The following GXYLT1 variants were observed in gnomAD, a reference collection of about 807,000 sequenced individuals.
GXYLT1 encodes the protein glucoside xylosyltransferase 1.
A neutral mutation model predicts 54.0 loss-of-function variants in GXYLT1; 29 were observed. The ratio of observed to expected loss-of-function variants is 0.54; its 90% CI spans 0.40 to 0.73. The LOEUF (loss-of-function observed/expected upper bound fraction) is 0.73, where lower values mean the gene tolerates loss of function less well. GXYLT1 is among the 30% of genes least tolerant of loss of function. The pLI is 0.00. For synonymous variants in GXYLT1, 176 were observed against 204.1 expected (o/e 0.86, Z 1.17); for missense variants, 490 against 553.4 (o/e 0.89, Z 1.15).
chr12:42,124,946 AC>A (rs2065551954), intron 2 of GXYLT1, among the ~76,000 whole-genome samples: 1 of 152,226 alleles, frequency 6.6e-6, no homozygotes, highest in African/African-American at 2.4e-5. Context: ...TTTGTTTCTC[AC>A]TGGTTGCCAA....
At chr12:42,101,308 G>T (rs1396005548) in intron 5 of GXYLT1, among the ~76,000 whole-genome samples, 1 of 151,994 alleles carries the variant, frequency 6.6e-6, no homozygotes, top group Non-Finnish European at 1.5e-5. Context: ...TATAAGAAAA[G>T]ATTTTTAACC....
chr12:42,144,468 G>GCGCCTCTCACGGCGCCGCGTCCGC lies in GXYLT1; in HGVS notation c.155_178dup (p.Gly52_Gly59dup). 7.7e-7 allele frequency: 1 copy of GCGCCTCTCACGGCGCCGCGTCCGC among 1,296,786 alleles called. No individual in the cohort carries two copies. The highest frequency in any genetic ancestry group is 3.2e-5 in the East Asian group (1 of 31,240). The allele number at this position is 1,296,786 out of a possible 1,614,324, so 80.3% of individuals were successfully genotyped here. A position where few individuals can be genotyped will look rare whatever the true frequency, so the allele number is the denominator to read the frequency against. On this transcript the variant is annotated inframe_insertion, in exon 1 of 8. Transcript: ENST00000398675. ...ATGCGCTGCGGGGCCCGCGACGCCG[G>GCGCCTCTCACGGCGCCGCGTCCGC]CGCCTCTCACGGCGCCGCGTCCGCC...
intron 2 of GXYLT1, among the ~76,000 whole-genome samples, chr12:42,122,833 C>A (rs2065539046): frequency 6.6e-6 from 1 of 152,068 alleles, no homozygotes; most frequent in South Asian, 2.1e-4. Flanking sequence ...GAGATAAAAG[C>A]ACTGTTACAG....
intron 3 of GXYLT1, among the ~76,000 whole-genome samples, chr12:42,113,113 A>C (rs553587762): frequency 6.6e-6 from 1 of 151,160 alleles, no homozygotes; most frequent in East Asian, 1.9e-4. Flanking sequence ...GCCTGCCCTA[A>C]AAGAGCTCCT....
At chr12:42,126,950 T>C (rs540528976) in intron 2 of GXYLT1, among the ~76,000 whole-genome samples, 1 of 152,160 alleles carries the variant, frequency 6.6e-6, no homozygotes, top group Non-Finnish European at 1.5e-5. Context: ...CATATGATGA[T>C]ATGAATGATG....
chr12:42,094,537 T>C (rs1401002338), intron 7 of GXYLT1, among the ~76,000 whole-genome samples: 2 of 150,560 alleles, frequency 1.3e-5, no homozygotes, highest in South Asian at 2.1e-4. Flanking sequence ...CACGTGCCTG[T>C]AGTACCAGCT....
intron 2 of GXYLT1, among the ~76,000 whole-genome samples, chr12:42,125,707 C>A (rs2065556652): frequency 6.6e-6 from 1 of 152,100 alleles, no homozygotes; most frequent in African/African-American, 2.4e-5. Flanking sequence ...GTGTGAAGTT[C>A]TTTTTATTAA....
chr12:42,108,478 T>A (rs1177891320), intron 4 of GXYLT1, among the ~76,000 whole-genome samples: 1 of 152,160 alleles, frequency 6.6e-6, no homozygotes, highest in Non-Finnish European at 1.5e-5. Context: ...CACTCACATA[T>A]TAATTAAATG....
chr12:42,122,150 G>A lies in GXYLT1; in HGVS notation c.315-2979C>T, dbSNP rs1274636018. Among the ~76,000 whole-genome samples the A allele has an allele frequency of 7.2e-5, 11 of 152,292 alleles. No homozygotes were observed. In the East Asian group the frequency reaches 1.7e-3, roughly 24 times the overall value. On this transcript the variant is annotated intron_variant, in intron 2 of 7. Transcript: ENST00000398675. ...ATGTAATAGAAGAGGAGATTTTAAA[G>A]TCAAGCCTATTTTTCTACAGATATA... is the stretch of plus-strand genomic sequence containing the variant.
chr12:42,128,687 G>T (rs1345817047), intron 2 of GXYLT1, among the ~76,000 whole-genome samples: 1 of 152,146 alleles, frequency 6.6e-6, no homozygotes, highest in Non-Finnish European at 1.5e-5. Flanking sequence ...AATATAATGA[G>T]TAGAATTAAT....
intron 1 of GXYLT1, among the ~76,000 whole-genome samples, chr12:42,133,828 G>C (rs1270857311): frequency 6.6e-6 from 1 of 152,166 alleles, no homozygotes; most frequent in Non-Finnish European, 1.5e-5. Context: ...TGCAAGGTGA[G>C]AGACCTAACC....
chr12:42,144,327 G>A (rs1164538803), intron 1 of GXYLT1, 99 bp downstream of exon 1: 3 of 713,666 alleles, frequency 4.2e-6, no homozygotes, highest in Non-Finnish European at 4.0e-6. Flanking sequence ...GGAAAGACGC[G>A]GGAGACGCGG....
At chr12:42,116,936 T>C (rs1394947938) in intron 3 of GXYLT1, among the ~76,000 whole-genome samples, 1 of 152,094 alleles carries the variant, frequency 6.6e-6, no homozygotes, top group Non-Finnish European at 1.5e-5. Context: ...CACCATGGAA[T>C]ACTATGCAGC....
At chr12:42,117,599 A>ATCTATCCAT (rs1390345569) in intron 3 of GXYLT1, among the ~76,000 whole-genome samples, 1 of 152,188 alleles carries the variant, frequency 6.6e-6, no homozygotes, top group African/African-American at 2.4e-5. Context: ...TAAAAGCTTA[A>ATCTATCCAT]TTAAGTGGAT....
chr12:42,137,235 G>A lies in GXYLT1; in HGVS notation c.221+7191C>T, dbSNP rs138646714. ...TAAAAATACAAAAATTAGGCCAGGC[G>A]CAGTGGCTCACGCCTGTAATCCCAG... On this transcript the variant is annotated intron_variant, in intron 1 of 7. Transcript: ENST00000398675. Among the ~76,000 whole-genome samples, 435 of 152,204 alleles carry A rather than the reference G, an allele frequency of 2.9e-3. 2 individuals are homozygous for A. The highest frequency in any genetic ancestry group is 9.3e-3 in the African/African-American group (387 of 41,526).
intron 1 of GXYLT1, among the ~76,000 whole-genome samples, chr12:42,138,798 A>T (rs1328629094): frequency 6.6e-6 from 1 of 152,132 alleles, no homozygotes; most frequent in Non-Finnish European, 1.5e-5. Flanking sequence ...AGGCAGGTGG[A>T]TCACCTGAGG....
chr12:42,141,882 C>A (rs1439231276), intron 1 of GXYLT1, among the ~76,000 whole-genome samples: 1 of 152,062 alleles, frequency 6.6e-6, no homozygotes, highest in Non-Finnish European at 1.5e-5. Context: ...ATAAGAGATT[C>A]CACTGAAAAA....
Position 42,144,494 on chromosome 12 carries a change from G to T in GXYLT1, c.153C>A (p.Gly51=). 1.4e-6 allele frequency: 2 copies of T among 1,384,254 alleles called. No individual in the cohort carries two copies. The highest frequency in any genetic ancestry group is 1.6e-5 in the South Asian group (1 of 62,928). 85.7% of individuals were successfully genotyped at this position (1,384,254 alleles called of 1,614,324 possible). The change falls in exon 1 of 8, where the codon GGC becomes GGA. Residue 51 remains glycine, a synonymous_variant. Transcript: ENST00000398675. Reference sequence around the variant, plus strand: ...CGCCTCTCACGGCGCCGCGTCCGCCGCCCGCGAGCCAGGAAGCCACCGCGG... The same window carrying T: ...CGCCTCTCACGGCGCCGCGTCCGCCTCCCGCGAGCCAGGAAGCCACCGCGG... ...PQAAVASWLA[G]GGRGAVRGAG... is the part of the protein sequence containing the mutation.
At chr12:42,118,006 G>A (rs2136904393) in intron 3 of GXYLT1, among the ~76,000 whole-genome samples, 1 of 152,292 alleles carries the variant, frequency 6.6e-6, no homozygotes, top group South Asian at 2.1e-4. Context: ...GGACCATGAA[G>A]CAGAAGCCTC....
Sources: allele counts gnomAD v4.1 joint callset (sites outside exome capture counted in the v4.1 genomes callset), GRCh38; gene constraint gnomAD v4.1.1; transcripts MANE v1.5; gene names NCBI Gene and HGNC (gene_info 2026-07-23, HGNC 2026-07-21).